Variants in DLG2 observed in about 807,000 individuals in gnomAD.
The protein encoded by DLG2 is discs large MAGUK scaffold protein 2.
A neutral mutation model predicts 132.5 loss-of-function variants in DLG2; 45 were observed. The observed-to-expected ratio is 0.34, with a 90% CI of 0.27 to 0.44. The LOEUF (loss-of-function observed/expected upper bound fraction) is 0.44. Ranked by LOEUF, DLG2 falls within the 20% of genes least tolerant of loss-of-function variation. The probability of loss-of-function intolerance (pLI) is 1.00; values close to 1 mark genes in which losing one functional copy is unlikely to be tolerated. For missense variants in DLG2, 1,045 were observed against 1,196.9 expected, an observed-to-expected ratio of 0.87 and a Z score of 1.87; for synonymous variants, 424 against 419.6, an observed-to-expected ratio of 1.01 and a Z score of -0.13.
intron 6 of DLG2, among the ~76,000 whole-genome samples, chr11:84,975,039 G>A (rs1231636514): frequency 3.9e-5 from 6 of 152,118 alleles, no homozygotes; most frequent in Non-Finnish European, 1.5e-5. Context: ...AGGTGTCATA[G>A]TAAGTAGCCA....
chr11:85,370,722 C>T (rs1281958248), intron 3 of DLG2, among the ~76,000 whole-genome samples: 1 of 152,110 alleles, frequency 6.6e-6, no homozygotes, highest in East Asian at 1.9e-4. Context: ...AATTGTCTTC[C>T]CTGGCACCTG....
At position 84,023,669 on chromosome 11, in the gene DLG2, C is replaced by T. The variant is rs932799777; in HGVS notation, c.919+35646G>A. 3.3e-5 allele frequency among the ~76,000 whole-genome samples: 5 copies of T among 152,142 alleles called. 1 individual carries two copies. The highest frequency in any genetic ancestry group is 1.2e-4 in the African/African-American group (5 of 41,526). On this transcript the variant is annotated intron_variant, in intron 11 of 27. Transcript: ENST00000376104. ...GGAGATTTGTGACAATTGGAAAAAC[C>T]CCACAGATGAACTGCATAGCCTAGA... is the stretch of plus-strand genomic sequence containing the variant.
chr11:85,122,953 A>ATG (rs1555376311), intron 5 of DLG2, among the ~76,000 whole-genome samples: 1 of 32,550 alleles, frequency 3.1e-5, no homozygotes, highest in East Asian at 2.8e-3. Flanking sequence ...TATATATTAT[A>ATG]TATATATATA....
At chr11:83,573,902 T>C (rs1275690388) in intron 19 of DLG2, among the ~76,000 whole-genome samples, 1 of 152,160 alleles carries the variant, frequency 6.6e-6, no homozygotes, top group Admixed American at 6.5e-5. Context: ...GCTTTTGATA[T>C]GGATAGATTT....
intron 7 of DLG2, among the ~76,000 whole-genome samples, chr11:84,458,162 C>T (rs971917599): frequency 2.7e-5 from 4 of 150,808 alleles, no homozygotes; most frequent in Admixed American, 2.7e-4. Context: ...TGCTTCAGAG[C>T]TATGATTTCC....
At chr11:85,224,635 G>A (rs772039481) in intron 4 of DLG2, among the ~76,000 whole-genome samples, 1 of 152,056 alleles carries the variant, frequency 6.6e-6, no homozygotes, top group African/African-American at 2.4e-5. Flanking sequence ...CATTATCTAT[G>A]GTTGATAGGG....
intron 7 of DLG2, among the ~76,000 whole-genome samples, chr11:84,513,194 A>G (rs1227691968): frequency 6.6e-6 from 1 of 152,134 alleles, no homozygotes; most frequent in Non-Finnish European, 1.5e-5. Flanking sequence ...GAGGACACAA[A>G]AAATGAAAAA....
intron 3 of DLG2, among the ~76,000 whole-genome samples, chr11:85,371,493 T>G (rs1183226701): frequency 6.6e-6 from 1 of 152,198 alleles, no homozygotes; most frequent in Non-Finnish European, 1.5e-5. Context: ...GCAATAAGAA[T>G]CCATTTTTCT....
intron 18 of DLG2, among the ~76,000 whole-genome samples, chr11:83,754,695 C>G (rs1566836875): frequency 6.6e-6 from 1 of 151,186 alleles, no homozygotes. Context: ...ATTGCTGAAG[C>G]TTGTCATGTA....
chr11:85,006,524 C>A (rs1227829), intron 6 of DLG2, among the ~76,000 whole-genome samples: 107,409 of 152,040 alleles, frequency 0.71, 38,928 homozygotes, highest in East Asian at 0.92. Context: ...AGAGGTGTTT[C>A]TAGTATTCTC....
At chr11:84,663,707 A>G (rs2154548286) in intron 6 of DLG2, among the ~76,000 whole-genome samples, 1 of 152,304 alleles carries the variant, frequency 6.6e-6, no homozygotes, top group South Asian at 2.1e-4. Context: ...GACAAATTAT[A>G]TAGTCCAACA....
At chr11:85,194,605 C>G (rs898181456) in intron 4 of DLG2, among the ~76,000 whole-genome samples, 1 of 151,568 alleles carries the variant, frequency 6.6e-6, no homozygotes, top group African/African-American at 2.4e-5. Context: ...CCCCTCACCC[C>G]CACCCCCGCC....
chr11:85,205,146 G>GTATATATATATA lies in DLG2; in HGVS notation c.187-50507_187-50496dup, dbSNP rs376041155. 2.3e-3 allele frequency among the ~76,000 whole-genome samples: 325 copies of GTATATATATATA among 141,568 alleles called. 3 individuals are homozygous for GTATATATATATA. Among genetic ancestry groups the GTATATATATATA allele is most frequent in the Admixed American group, 5.1e-3 (71 of 13,894 alleles). The allele number at this position is 141,568 out of a possible 152,430, so 92.9% of individuals were successfully genotyped here. On this transcript the variant is annotated intron_variant, in intron 4 of 27. Transcript: ENST00000376104. ...ATATATAATTCATATATATGTGTGT[G>GTATATATATATA]TATATATATATATATATAGATATAT... is the stretch of plus-strand genomic sequence containing the variant.
intron 5 of DLG2, among the ~76,000 whole-genome samples, chr11:85,137,003 C>T (rs1232820030): frequency 2.6e-5 from 4 of 151,822 alleles, no homozygotes; most frequent in African/African-American, 9.7e-5. Flanking sequence ...TACATATATA[C>T]ATATGTGCAT....
At chr11:83,501,711 T>C (rs1253411214) in intron 21 of DLG2, among the ~76,000 whole-genome samples, 1 of 152,200 alleles carries the variant, frequency 6.6e-6, no homozygotes, top group Non-Finnish European at 1.5e-5. Flanking sequence ...CTGTGATTGT[T>C]TCCCCCCAAA....
intron 5 of DLG2, among the ~76,000 whole-genome samples, chr11:85,125,238 T>C (rs528819805): frequency 6.6e-6 from 1 of 152,310 alleles, no homozygotes; most frequent in South Asian, 2.1e-4. Context: ...GTAAAGGTCT[T>C]ATAAAGGACA....
intron 4 of DLG2, among the ~76,000 whole-genome samples, chr11:85,212,269 A>C (rs1012821646): frequency 1.2e-4 from 18 of 152,030 alleles, no homozygotes; most frequent in Admixed American, 3.3e-4. Flanking sequence ...CGAGATTTGA[A>C]GGTGACAAGT....
In DLG2 at chr11:84,102,191, T is replaced by C. The variant is rs184459168; in HGVS notation, c.625-3144A>G. ...GATCACATTTCTGTGTTTTTGCAGG[T>C]TTTTATGCTTACTTACATTATGCAT... On this transcript the variant is annotated intron_variant, in intron 9 of 27. Transcript: ENST00000376104. Among the ~76,000 whole-genome samples the C allele has an allele frequency of 7.2e-5, 11 of 152,248 alleles. No homozygotes were observed. In the East Asian group the frequency reaches 1.9e-3, roughly 27 times the overall value.
chr11:84,842,205 C>A (rs868049458), intron 6 of DLG2, among the ~76,000 whole-genome samples: 2 of 151,936 alleles, frequency 1.3e-5, no homozygotes, highest in African/African-American at 4.8e-5. Flanking sequence ...AAGACACTAA[C>A]CAGGTTTCTA....
Sources: gnomAD v4.1 joint callset for allele counts (sites outside exome capture counted in the v4.1 genomes callset) on GRCh38, gnomAD v4.1.1 for gene constraint, MANE v1.5 for transcripts, NCBI Gene and HGNC (gene_info 2026-07-23, HGNC 2026-07-21) for gene names.